Variants in API5 observed in about 807,000 individuals in gnomAD.
API5 encodes the protein apoptosis inhibitor 5.
Under a neutral mutation model 71.9 loss-of-function variants are expected in API5, and 6 were observed. The observed-to-expected ratio is 0.08, with a 90% CI of 0.05 to 0.16. The LOEUF is 0.16. Among genes scored for constraint, API5 ranks in the 10% least tolerant of loss-of-function variants. The probability of loss-of-function intolerance (pLI) is 1.00; values close to 1 mark genes in which losing one functional copy is unlikely to be tolerated. For missense variants in API5, 332 were observed against 612.8 expected (o/e 0.54, Z 4.84); for synonymous variants, 189 against 221.3 (o/e 0.85, Z 1.30).
At chr11:43,325,654 T>A (rs1445519244) in intron 6 of API5, among the ~76,000 whole-genome samples, 1 of 152,140 alleles carries the variant, frequency 6.6e-6, no homozygotes, top group Non-Finnish European at 1.5e-5. Flanking sequence ...TCAGTGGAAA[T>A]TGTAAACAAG....
chr11:43,325,990 C>T (rs1855058188), intron 6 of API5, among the ~76,000 whole-genome samples: 1 of 152,186 alleles, frequency 6.6e-6, no homozygotes, highest in Non-Finnish European at 1.5e-5. Flanking sequence ...CCACAGTGCT[C>T]CTGCTCATTC....
At chr11:43,320,215 T>A (rs986292249) in intron 2 of API5, among the ~76,000 whole-genome samples, 1 of 151,646 alleles carries the variant, frequency 6.6e-6, no homozygotes, top group South Asian at 2.1e-4. Flanking sequence ...CTGGCTAATT[T>A]TTGTATTTTT....
chr11:43,326,756 A>G, intron 7 of API5, 145 bp downstream of exon 7: 1 of 552,892 alleles, frequency 1.8e-6, no homozygotes, highest in Non-Finnish European at 3.2e-6. Context: ...ACCAGAATTA[A>G]TTGCATTAGG....
At chr11:43,326,421 C>T in intron 6 of API5, 86 bp from the exon 7 acceptor site, 2 of 864,806 alleles carry the variant, frequency 2.3e-6, no homozygotes, top group Non-Finnish European at 3.8e-6. Context: ...TGCTGTAGCG[C>T]TCAGCATTTA....
chr11:43,323,695 C>A, intron 6 of API5, 59 bp downstream of exon 6: 2 of 1,499,564 alleles, frequency 1.3e-6, no homozygotes, highest in South Asian at 2.3e-5. Context: ...CATAAATACT[C>A]ACTTTAACAT....
At chr11:43,316,416 A>G (rs1313277740) in intron 1 of API5, among the ~76,000 whole-genome samples, 2 of 150,798 alleles carry the variant, frequency 1.3e-5, no homozygotes, top group Admixed American at 1.3e-4. Flanking sequence ...AATTTTGGAC[A>G]GTGTAAGGAG....
chr11:43,312,250 A>G (rs1351133415), intron 1 of API5, 54 bp downstream of exon 1: 4 of 1,573,966 alleles, frequency 2.5e-6, no homozygotes, highest in Admixed American at 1.7e-5. Flanking sequence ...GGCCTTTCGA[A>G]AGCGCTTCCC....
rs1003782376 is a variant in API5, at chr11:43,321,844, A to T, written c.392-141A>T. ...ATGGTTCAGGCTGTAGAAATTTCAG[A>T]CTACTTTTAACTAGTAATGAGGATG... On this transcript the variant is annotated intron_variant, in intron 4 of 13. Coordinates refer to ENST00000531273, the MANE Select transcript of API5 (RefSeq NM_001142930.2). 142 of 791,966 alleles carry T rather than the reference A, an allele frequency of 1.8e-4. 1 individual carries two copies. The highest frequency in any genetic ancestry group is 1.3e-4 in the Non-Finnish European group (67 of 524,334). 49.1% of individuals were successfully genotyped at this position (791,966 alleles called of 1,614,324 possible). A position where few individuals can be genotyped will look rare whatever the true frequency, so the allele number is the denominator to read the frequency against.
intron 3 of API5, 36 bp from the exon 4 acceptor site, chr11:43,321,375 G>A (rs375400893): frequency 6.5e-7 from 1 of 1,536,204 alleles, no homozygotes; most frequent in Non-Finnish European, 9.0e-7. Flanking sequence ...TTTTAAATTT[G>A]TTTTATATTC....
chr11:43,333,009 T>C lies in API5; in HGVS notation c.1279-2269T>C, dbSNP rs147245154. ...TTTCACCTTTATTGCTCTGGAACTTTTCAGGAAACAGTAACAAAGGGCCAA... is the reference window on the plus strand; with the variant it reads ...TTTCACCTTTATTGCTCTGGAACTTCTCAGGAAACAGTAACAAAGGGCCAA... On this transcript the variant is annotated intron_variant, in intron 11 of 13. Transcript: ENST00000531273. Among the ~76,000 whole-genome samples, 748 of 152,320 alleles carry C rather than the reference T, an allele frequency of 4.9e-3. 5 individuals carry two copies. Among genetic ancestry groups the C allele is most frequent in the Non-Finnish European group, 7.0e-3 (475 of 68,016 alleles).
intron 5 of API5, among the ~76,000 whole-genome samples, chr11:43,323,115 T>C (rs1854950596): frequency 6.6e-6 from 1 of 152,034 alleles, no homozygotes; most frequent in Non-Finnish European, 1.5e-5. Flanking sequence ...TTTTTTTTTT[T>C]CTTAACTGCT....
In API5 at chr11:43,344,457, A is replaced by G. The variant is rs1855718646; in HGVS notation, c.*1947A>G. 6.6e-6 allele frequency: 1 copy of G among 152,540 alleles called. No individual in the cohort carries two copies. Among genetic ancestry groups the G allele is most frequent in the Non-Finnish European group, 1.5e-5 (1 of 68,022 alleles). The allele number at this position is 152,540 out of a possible 1,614,324, so 9.4% of individuals were successfully genotyped here. The stretch of plus-strand genomic sequence containing the variant: ...GCCATGGATTTTTTTCTTTTGCAAG[A>G]CACCTGTTTATCATCTTGTTTAAAT... On this transcript the variant is annotated 3_prime_UTR_variant, in exon 14 of 14. Coordinates refer to ENST00000531273, the MANE Select transcript of API5 (RefSeq NM_001142930.2).
rs970680354 is a variant in API5, at chr11:43,312,300, C to T, written c.69+104C>T. The T allele has an allele frequency of 8.5e-5, 104 of 1,224,612 alleles. 1 individual carries two copies. The highest frequency in any genetic ancestry group is 4.4e-4 in the Middle Eastern group (2 of 4,498). The allele number at this position is 1,224,612 out of a possible 1,614,324, so 75.9% of individuals were successfully genotyped here. A position where few individuals can be genotyped will look rare whatever the true frequency, so the allele number is the denominator to read the frequency against. On this transcript the variant is annotated intron_variant, in intron 1 of 13. Coordinates refer to ENST00000531273, the MANE Select transcript of API5 (RefSeq NM_001142930.2). Reference sequence around the variant, plus strand: ...GCCGAGCGGGGGCTGCGGCTTCATCCTCCCGGGGCCTCCTAGCCTCCTCAG... The same window carrying T: ...GCCGAGCGGGGGCTGCGGCTTCATCTTCCCGGGGCCTCCTAGCCTCCTCAG...
chr11:43,342,416 G>T lies in API5; in HGVS notation c.1493-12G>T, dbSNP rs755113888. On this transcript the variant is annotated splice_polypyrimidine_tract_variant and intron_variant, in intron 13 of 13. Transcript: ENST00000531273. The stretch of plus-strand genomic sequence containing the variant: ...CTAAGCAAGACCTAAACCCTTGTTC[G>T]CTTTTTCGTAGAGCAGAGAGGAGCC... The T allele has an allele frequency of 2.5e-6, 4 of 1,583,082 alleles. No individual in the cohort carries two copies. Among genetic ancestry groups the T allele is most frequent in the African/African-American group, 1.4e-5 (1 of 73,744 alleles).
chr11:43,317,988 G>GC (rs1371598140), intron 1 of API5, among the ~76,000 whole-genome samples: 1 of 29,128 alleles, frequency 3.4e-5, no homozygotes, highest in African/African-American at 1.1e-4. Context: ...CATTACAATT[G>GC]TTTTGTTTGT....
chr11:43,323,970 G>T (rs1028892184), intron 6 of API5, among the ~76,000 whole-genome samples: 7 of 152,194 alleles, frequency 4.6e-5, no homozygotes, highest in African/African-American at 1.4e-4. Context: ...GAAGGCCACA[G>T]TGGTGTTGGT....
At chr11:43,323,765 G>A (rs908877253) in intron 6 of API5, 129 bp downstream of exon 6, 3 of 894,190 alleles carry the variant, frequency 3.4e-6, no homozygotes, top group African/African-American at 3.4e-5. Context: ...AACCAGAAGT[G>A]TATTCAGATT....
At chr11:43,323,020 G>A (rs191049991) in intron 5 of API5, among the ~76,000 whole-genome samples, 28 of 152,012 alleles carry the variant, frequency 1.8e-4, no homozygotes, top group Admixed American at 1.6e-3. Flanking sequence ...TTTAAATATA[G>A]GATACAATCT....
chr11:43,330,149 A>C, intron 10 of API5, 91 bp downstream of exon 10: 2 of 989,158 alleles, frequency 2.0e-6, no homozygotes, highest in Non-Finnish European at 3.1e-6. Context: ...CCCTTATCTC[A>C]CCTAATTTAA....
Sources: gnomAD v4.1 joint callset for allele counts (sites outside exome capture counted in the v4.1 genomes callset) on GRCh38, gnomAD v4.1.1 for gene constraint, MANE v1.5 for transcripts, NCBI Gene and HGNC (gene_info 2026-07-23, HGNC 2026-07-21) for gene names.